Variants in SATB2 observed in about 807,000 individuals in gnomAD.
SATB2 encodes DNA-binding protein SATB2.
In SATB2, 1 loss-of-function variant was observed where a neutral mutation model predicts 73.4. The observed-to-expected ratio is 0.01, with a 90% CI of 0.00 to 0.06. SATB2 has a LOEUF of 0.06. SATB2 is among the 10% of genes least tolerant of loss of function. The pLI, the probability that SATB2 is intolerant of heterozygous loss-of-function variation, is 1.00. For synonymous variants in SATB2, 397 were observed against 367.0 expected (o/e 1.08, Z -0.93); for missense variants, 459 against 945.8 (o/e 0.49, Z 6.75).
intron 7 of SATB2, among the ~76,000 whole-genome samples, chr2:199,340,539 C>A (rs1366919451): frequency 6.6e-6 from 1 of 152,100 alleles, no homozygotes; most frequent in Non-Finnish European, 1.5e-5. Flanking sequence ...GAAGAACTAG[C>A]TGAGACACAA....
chr2:199,356,678 C>G (rs1688993583), intron 6 of SATB2, among the ~76,000 whole-genome samples: 1 of 152,160 alleles, frequency 6.6e-6, no homozygotes, highest in African/African-American at 2.4e-5. Context: ...CACATGGCTA[C>G]TTTTTCCTCT....
At chr2:199,313,746 T>G (rs1687656284) in intron 9 of SATB2, among the ~76,000 whole-genome samples, 1 of 152,180 alleles carries the variant, frequency 6.6e-6, no homozygotes, top group African/African-American at 2.4e-5. Context: ...AATAAAAAAT[T>G]CCTAGTTTAT....
chr2:199,406,639 AGAATAGACTTTT>A (rs1219079908), intron 3 of SATB2, among the ~76,000 whole-genome samples: 2 of 152,192 alleles, frequency 1.3e-5, no homozygotes, highest in East Asian at 3.9e-4. Context: ...TTAAATCAGA[AGAATAGACTTTT>A]GAGAGACATG....
rs183523568 is a variant in SATB2 at position 199,311,595 on chromosome 2, C to T, written c.1543-2638G>A. Among the ~76,000 whole-genome samples, 4 of 152,228 alleles carry T rather than the reference C, an allele frequency of 2.6e-5. No individual in the cohort carries two copies. The East Asian group carries it at 7.7e-4, about 29-fold the overall frequency. ...GCTCTTCTCCTAAAGGCCGTTATTCCCTCCTACGGGCGCTCCTGTGATGCC... is the reference window on the plus strand; with the variant it reads ...GCTCTTCTCCTAAAGGCCGTTATTCTCTCCTACGGGCGCTCCTGTGATGCC... On this transcript the variant is annotated intron_variant, in intron 9 of 10. Coordinates refer to ENST00000417098, the MANE Select transcript of SATB2 (RefSeq NM_001172509.2).
intron 6 of SATB2, among the ~76,000 whole-genome samples, chr2:199,359,715 A>C (rs541598509): frequency 1.3e-5 from 2 of 152,244 alleles, no homozygotes; most frequent in African/African-American, 4.8e-5. Context: ...TGTGTTCCCA[A>C]AACCTCTACC....
Position 199,447,875 on chromosome 2 carries a change from AATG to A in SATB2, c.169+7991_169+7993del, listed in dbSNP as rs1398324024. ...GTGACAGGTCCACCTCATTTTTCTT[AATG>A]ATGTTTTTATTATTCTTTCACTCAA... On this transcript the variant is annotated intron_variant, in intron 2 of 10. Coordinates refer to ENST00000417098, the MANE Select transcript of SATB2 (RefSeq NM_001172509.2). Among the ~76,000 whole-genome samples the A allele has an allele frequency of 3.5e-5, 4 of 115,858 alleles. 2 individuals are homozygous for A. Among genetic ancestry groups the A allele is most frequent in the Non-Finnish European group, 4.2e-5 (2 of 47,202 alleles). The allele number at this position is 115,858 out of a possible 152,430, so 76.0% of individuals were successfully genotyped here. A position where few individuals can be genotyped will look rare whatever the true frequency, so the allele number is the denominator to read the frequency against.
chr2:199,281,413 G>A (rs978454677), intron 10 of SATB2, among the ~76,000 whole-genome samples: 1 of 151,664 alleles, frequency 6.6e-6, no homozygotes, highest in Non-Finnish European at 1.5e-5. Flanking sequence ...CTCACCCAAA[G>A]CTTCAGGTCC....
At chr2:199,293,824 A>G (rs1692944520) in intron 10 of SATB2, among the ~76,000 whole-genome samples, 1 of 152,116 alleles carries the variant, frequency 6.6e-6, no homozygotes, top group Non-Finnish European at 1.5e-5. Context: ...ACACCCTTTC[A>G]GCCTGTCTTT....
In SATB2 at chr2:199,463,159, C is replaced by A. The variant is rs1692517682; in HGVS notation, c.-141+1677G>T. On this transcript the variant is annotated intron_variant, in intron 1 of 11. Coordinates refer to the SATB2 transcript ENST00000260926. This position sits in a 1 kb window ranked among gnomAD's most constrained non-coding sequence, Gnocchi z 6.4. Reference sequence around the variant, plus strand: ...AGCACCACCCTACCACACCAGGCAACGCCCCCCGGGGCGCCCTTCATTCTT... The same window carrying A: ...AGCACCACCCTACCACACCAGGCAAAGCCCCCCGGGGCGCCCTTCATTCTT... Among the ~76,000 whole-genome samples, 1 of 152,144 alleles carries A rather than the reference C, an allele frequency of 6.6e-6. No individual in the cohort carries two copies. Among genetic ancestry groups the A allele is most frequent in the African/African-American group, 2.4e-5 (1 of 41,442 alleles).
chr2:199,361,086 C>T (rs1689123451), intron 6 of SATB2, among the ~76,000 whole-genome samples: 1 of 152,152 alleles, frequency 6.6e-6, no homozygotes, highest in Admixed American at 6.6e-5. Flanking sequence ...TCATTTGGTA[C>T]CATTTCAATT....
Position 199,463,197 on chromosome 2 carries a change from G to C in SATB2, c.-141+1639C>G, listed in dbSNP as rs1174823315. Among the ~76,000 whole-genome samples, 1 of 152,182 alleles carries C rather than the reference G, an allele frequency of 6.6e-6. No individual in the cohort carries two copies. The highest frequency in any genetic ancestry group is 1.9e-4 in the East Asian group (1 of 5,160). ...GCCCTTCATTCTTTTGCAGAGCCCA[G>C]AACTTAATAGGTGGGTCCCCTTCTG... On this transcript the variant is annotated intron_variant, in intron 1 of 11. Transcript: ENST00000260926. The surrounding 1 kb of genome is among the most constrained non-coding windows in gnomAD (Gnocchi z 6.4).
chr2:199,390,500 C>T lies in SATB2; in HGVS notation c.347-8680G>A, dbSNP rs181454740. On this transcript the variant is annotated intron_variant, in intron 3 of 10. Transcript: ENST00000417098. ...AGCTTCTTTTTTCCTCCTTTCTATTCGGAAATACATTTGCATAAAGAGATT... is the reference window on the plus strand; with the variant it reads ...AGCTTCTTTTTTCCTCCTTTCTATTTGGAAATACATTTGCATAAAGAGATT... 8.5e-4 allele frequency among the ~76,000 whole-genome samples: 130 copies of T among 152,208 alleles called. 1 individual carries two copies. The highest frequency in any genetic ancestry group is 3.4e-3 in the Middle Eastern group (1 of 292).
intron 2 of SATB2, among the ~76,000 whole-genome samples, chr2:199,437,196 A>G (rs1409192009): frequency 1.3e-5 from 2 of 152,208 alleles, no homozygotes; most frequent in African/African-American, 2.4e-5. Context: ...CCTTCTGATC[A>G]TAAGCCTTAC....
At position 199,455,531 on chromosome 2, in the gene SATB2, CAGACACTCCG is replaced by C. The variant is rs1352780154; in HGVS notation, c.169+328_169+337del. ...ACGCACGTGAACTTCATCCCTACAA[CAGACACTCCG>C]AGGCAAGGCAAAAGAGTTAAATCAC... On this transcript the variant is annotated intron_variant, in intron 2 of 10. Coordinates refer to ENST00000417098, the MANE Select transcript of SATB2 (RefSeq NM_001172509.2). This position sits in a 1 kb window ranked among gnomAD's most constrained non-coding sequence, Gnocchi z 4.1. 6.6e-6 allele frequency among the ~76,000 whole-genome samples: 1 copy of C among 152,236 alleles called. No individual in the cohort carries two copies. Among genetic ancestry groups the C allele is most frequent in the African/African-American group, 2.4e-5 (1 of 41,466 alleles).
intron 3 of SATB2, among the ~76,000 whole-genome samples, chr2:199,390,889 A>G (rs1182155942): frequency 6.6e-6 from 1 of 152,192 alleles, no homozygotes; most frequent in Non-Finnish European, 1.5e-5. Flanking sequence ...TGTTTCCTAC[A>G]GTTTACGGTT....
rs139875466 is a variant in SATB2, at chr2:199,446,867, T to C, written c.169+9002A>G. 8.5e-5 allele frequency among the ~76,000 whole-genome samples: 13 copies of C among 152,328 alleles called. No homozygotes were observed. The East Asian group carries it at 2.5e-3, about 29-fold the overall frequency. On this transcript the variant is annotated intron_variant, in intron 2 of 10. Coordinates refer to ENST00000417098, the MANE Select transcript of SATB2 (RefSeq NM_001172509.2). ...CCAGGAGGATGTACTGCCTATCTTG[T>C]TTCTTTCATTTTGTCACCTCAGGAA...
chr2:199,286,340 G>A (rs968896047), intron 10 of SATB2, among the ~76,000 whole-genome samples: 10 of 152,200 alleles, frequency 6.6e-5, no homozygotes, highest in Admixed American at 1.3e-4. Context: ...GATGTACCTA[G>A]TGGCAATTAT....
chr2:199,345,781 C>T (rs914949794), intron 7 of SATB2, among the ~76,000 whole-genome samples: 1 of 152,212 alleles, frequency 6.6e-6, no homozygotes, highest in Non-Finnish European at 1.5e-5. Flanking sequence ...TGCTATCAAA[C>T]CTCCATAAGA....
intron 6 of SATB2, among the ~76,000 whole-genome samples, chr2:199,351,478 C>T (rs1395256876): frequency 3.3e-5 from 5 of 151,932 alleles, no homozygotes; most frequent in African/African-American, 1.2e-4. Flanking sequence ...TTACGTATCA[C>T]CTTTCCTTCA....
Sources: gnomAD v4.1 joint callset for allele counts (sites outside exome capture counted in the v4.1 genomes callset) on GRCh38, gnomAD v4.1.1 for gene constraint, Gnocchi (gnomAD v3.1) non-coding constraint, MANE v1.5 for transcripts, NCBI Gene and HGNC (gene_info 2026-07-23, HGNC 2026-07-21) for gene names.